Variants in PTCRA observed in about 807,000 individuals in gnomAD.
PTCRA encodes pre T cell antigen receptor alpha.
Under a neutral mutation model 13.4 loss-of-function variants are expected in PTCRA, and 9 were observed. The observed-to-expected ratio is 0.67, with a 90% CI of 0.41 to 1.18. The LOEUF is 1.18. Among genes scored for constraint, PTCRA ranks in the 50% most tolerant of loss-of-function variants. PTCRA has a pLI of 0.01. For missense variants in PTCRA, 353 were observed against 359.8 expected, an observed-to-expected ratio of 0.98 and a Z score of 0.15; for synonymous variants, 153 against 161.9, an observed-to-expected ratio of 0.94 and a Z score of 0.42.
In PTCRA at chr6:42,925,685, G is replaced by C; in HGVS notation, c.*3G>C. 2 of 1,514,130 alleles carry C rather than the reference G, an allele frequency of 1.3e-6. No individual in the cohort carries two copies. Among genetic ancestry groups the C allele is most frequent in the Non-Finnish European group, 1.8e-6 (2 of 1,130,050 alleles). The allele number at this position is 1,514,130 out of a possible 1,614,324, so 93.8% of individuals were successfully genotyped here. A position where few individuals can be genotyped will look rare whatever the true frequency, so the allele number is the denominator to read the frequency against. On this transcript the variant is annotated 3_prime_UTR_variant, in exon 4 of 4. Transcript: ENST00000304672. This position sits in a 1 kb window ranked among gnomAD's most constrained non-coding sequence, Gnocchi z 4.4. ...CTCTGCAGGCTGGAGCTGCCTGAGG[G>C]CAGGGCTCTACCTCCCCTGCGTCAC...
intron 1 of PTCRA, among the ~76,000 whole-genome samples, chr6:42,917,378 AC>A (rs1766925115): frequency 6.8e-6 from 1 of 147,732 alleles, no homozygotes; most frequent in Non-Finnish European, 1.5e-5. Context: ...ACCTGCCACC[AC>A]GCCCAGCTAA....
chr6:42,921,050 G>A (rs1048953340), intron 1 of PTCRA, among the ~76,000 whole-genome samples: 1 of 150,384 alleles, frequency 6.6e-6, no homozygotes, highest in Admixed American at 6.6e-5. Context: ...GCCTGCCTTG[G>A]CCCCCCAAAG....
In PTCRA at chr6:42,925,286, G is replaced by C. The variant is rs1162412264; in HGVS notation, c.450G>C (p.Leu150=). The C allele has an allele frequency of 1.9e-6, 3 of 1,590,924 alleles. No homozygotes were observed. The highest frequency in any genetic ancestry group is 1.3e-5 in the African/African-American group (1 of 74,868). Residue 150 remains leucine, a synonymous_variant, in exon 4 of 4, where the codon CTG becomes CTC. Coordinates refer to ENST00000304672, the MANE Select transcript of PTCRA (RefSeq NM_138296.3). The surrounding 1 kb of genome is among the most constrained non-coding windows in gnomAD (Gnocchi z 4.4). The part of the protein sequence containing the change: ...LRGTPGGALW[L]GVLRLLLFKL... ...GGACACCGGGTGGGGCGCTGTGGCT[G>C]GGGGTCCTGCGGCTGCTGCTCTTCA...
At chr6:42,924,640 G>A (rs577104909) in intron 3 of PTCRA, among the ~76,000 whole-genome samples, 36 of 152,296 alleles carry the variant, frequency 2.4e-4, no homozygotes, top group African/African-American at 7.5e-4. Flanking sequence ...GGACAGTCAT[G>A]AAGTTGGGCT....
At chr6:42,918,788 ATTTT>A (rs35893765) in intron 1 of PTCRA, among the ~76,000 whole-genome samples, 3 of 123,220 alleles carry the variant, frequency 2.4e-5, no homozygotes, top group Admixed American at 8.5e-5. Context: ...TAGTAGGATA[ATTTT>A]TTTTTTTTTT....
intron 3 of PTCRA, among the ~76,000 whole-genome samples, chr6:42,924,567 G>C (rs1264732082): frequency 6.6e-6 from 1 of 152,128 alleles, no homozygotes; most frequent in African/African-American, 2.4e-5. Flanking sequence ...CCAGGCAGGG[G>C]GGTCTCAGCA....
chr6:42,918,151 G>A (rs1193464001), intron 1 of PTCRA, among the ~76,000 whole-genome samples: 1 of 151,614 alleles, frequency 6.6e-6, no homozygotes, highest in African/African-American at 2.4e-5. Context: ...AGCTACTTAG[G>A]ATGCTGAGGC....
At chr6:42,922,904 A>G in intron 1 of PTCRA, 123 bp from the exon 2 acceptor site, 1 of 885,346 alleles carries the variant, frequency 1.1e-6, no homozygotes. Context: ...AAGGACATGT[A>G]GATGGATGGT....
intron 1 of PTCRA, among the ~76,000 whole-genome samples, chr6:42,921,644 C>T (rs1767170791): frequency 6.7e-6 from 1 of 148,272 alleles, no homozygotes; most frequent in East Asian, 2.0e-4. Flanking sequence ...TCTCGATCTC[C>T]TGACCTCGTG....
chr6:42,922,115 A>G, intron 1 of PTCRA: 1 of 657,050 alleles, frequency 1.5e-6, no homozygotes, highest in South Asian at 1.7e-5. Context: ...CACTCCACCT[A>G]GATTAACAAA....
chr6:42,923,024 C>A lies in PTCRA; in HGVS notation c.59-3C>A. 1.2e-6 allele frequency: 2 copies of A among 1,613,936 alleles called. No individual in the cohort carries two copies. Among genetic ancestry groups the A allele is most frequent in the South Asian group, 1.1e-5 (1 of 91,060 alleles). On this transcript the variant is annotated splice_region_variant and splice_polypyrimidine_tract_variant and intron_variant, in intron 1 of 3. Coordinates refer to ENST00000304672, the MANE Select transcript of PTCRA (RefSeq NM_138296.3). ...GCACCCACAGGTACATGCTCTCTTG[C>A]AGGTGTGGGCGGCACACCCTTTCCT...
chr6:42,921,792 G>C (rs904274123), intron 1 of PTCRA, among the ~76,000 whole-genome samples: 4 of 149,252 alleles, frequency 2.7e-5, no homozygotes, highest in Admixed American at 1.3e-4. Flanking sequence ...CTAGCACTTT[G>C]GGAGGCCAGG....
intron 2 of PTCRA, 26 bp downstream of exon 2, chr6:42,923,373 G>A (rs377270682): frequency 5.7e-5 from 91 of 1,603,808 alleles, no homozygotes; most frequent in Non-Finnish European, 7.3e-5. Flanking sequence ...GGGCCCTTGC[G>A]GATGCTCCCT....
intron 3 of PTCRA, among the ~76,000 whole-genome samples, chr6:42,924,757 G>A (rs10948053): frequency 0.26 from 38,766 of 151,940 alleles, 5,184 homozygotes; most frequent in African/African-American, 0.3. Flanking sequence ...TGGATCACGA[G>A]GTCAGGAGTT....
intron 1 of PTCRA, among the ~76,000 whole-genome samples, chr6:42,921,830 CAG>C (rs950084904): frequency 1.3e-5 from 2 of 149,594 alleles, no homozygotes; most frequent in Non-Finnish European, 3.0e-5. Context: ...GGTCAGGAGT[CAG>C]AGACCAGCCT....
At chr6:42,920,520 G>T (rs998020644) in intron 1 of PTCRA, among the ~76,000 whole-genome samples, 1 of 146,490 alleles carries the variant, frequency 6.8e-6, no homozygotes, top group African/African-American at 2.5e-5. Context: ...CGCCTCCCGG[G>T]TTCACGCCAT....
intron 1 of PTCRA, among the ~76,000 whole-genome samples, chr6:42,921,518 A>G (rs1318210572): frequency 6.2e-5 from 9 of 145,348 alleles, no homozygotes; most frequent in African/African-American, 2.1e-4. Context: ...CCCTGGTTCA[A>G]GTGATTCTCC....
Position 42,923,181 on chromosome 6 carries a change from G to A in PTCRA, c.213G>A (p.Leu71=), listed in dbSNP as rs749605990. 2 of 1,614,120 alleles carry A rather than the reference G, an allele frequency of 1.2e-6. No individual in the cohort carries two copies. Among genetic ancestry groups the A allele is most frequent in the Admixed American group, 1.7e-5 (1 of 60,008 alleles). The change falls in exon 2 of 4, where the codon CTG becomes CTA. Residue 71 remains leucine, a synonymous_variant. Coordinates refer to ENST00000304672, the MANE Select transcript of PTCRA (RefSeq NM_138296.3). ...IWFSAGNGSA[L]DAFTYGPSPA... is the part of the protein sequence containing the mutation. The stretch of plus-strand genomic sequence containing the variant: ...TCTCAGCCGGCAATGGCAGTGCACT[G>A]GATGCCTTCACCTATGGCCCTTCCC...
chr6:42,916,782 A>G (rs1766894406), intron 1 of PTCRA, among the ~76,000 whole-genome samples: 1 of 152,130 alleles, frequency 6.6e-6, no homozygotes, highest in African/African-American at 2.4e-5. Flanking sequence ...AAGGTCCATG[A>G]CTTTTGAGTC....
Sources: allele counts gnomAD v4.1 joint callset (sites outside exome capture counted in the v4.1 genomes callset), GRCh38; gene constraint gnomAD v4.1.1; non-coding constraint Gnocchi (gnomAD v3.1); transcripts MANE v1.5; gene names NCBI Gene and HGNC (gene_info 2026-07-23, HGNC 2026-07-21).